The following CTNNA3 variants were observed in gnomAD, a reference collection of about 807,000 sequenced individuals.
CTNNA3 encodes catenin alpha 3, also known as catenin alpha-3.
In CTNNA3, 76 loss-of-function variants were observed where a neutral mutation model predicts 95.7. That is an observed-to-expected ratio of 0.79 (90% CI 0.66 to 0.96). The LOEUF (loss-of-function observed/expected upper bound fraction) is 0.96. Among genes scored for constraint, CTNNA3 ranks in the 40% least tolerant of loss-of-function variants. The pLI is 0.00. For missense variants in CTNNA3, 1,191 were observed against 1,089.8 expected (o/e 1.09, Z -1.31); for synonymous variants, 431 against 374.4 (o/e 1.15, Z -1.74).
intron 9 of CTNNA3, among the ~76,000 whole-genome samples, chr10:66,718,139 C>CTTT (rs5785781): frequency 1.0e-4 from 15 of 149,868 alleles, no homozygotes; most frequent in Non-Finnish European, 1.9e-4. Flanking sequence ...CTGTATTAAC[C>CTTT]TTTTTTTTTT....
chr10:67,495,297 T>C (rs1296174715), intron 5 of CTNNA3, among the ~76,000 whole-genome samples: 1 of 152,070 alleles, frequency 6.6e-6, no homozygotes, highest in Non-Finnish European at 1.5e-5. Context: ...CTACCCACAC[T>C]CTGGACCTAA....
intron 5 of CTNNA3, among the ~76,000 whole-genome samples, chr10:67,227,714 A>G (rs1212305589): frequency 6.6e-6 from 1 of 152,222 alleles, no homozygotes. Flanking sequence ...ATATATACAG[A>G]ACATTTCATC....
At chr10:67,372,831 T>G (rs1843531386) in intron 5 of CTNNA3, among the ~76,000 whole-genome samples, 1 of 152,166 alleles carries the variant, frequency 6.6e-6, no homozygotes, top group African/African-American at 2.4e-5. Flanking sequence ...TCAACATTCT[T>G]AAAGAAAAGA....
At chr10:67,710,377 G>A (rs565934329) in intron 1 of CTNNA3, among the ~76,000 whole-genome samples, 2 of 152,206 alleles carry the variant, frequency 1.3e-5, no homozygotes, top group Non-Finnish European at 1.5e-5. Context: ...GTGAAGGAAT[G>A]AGATTAATCC....
intron 12 of CTNNA3, among the ~76,000 whole-genome samples, chr10:66,361,172 C>T (rs1384462460): frequency 2.0e-5 from 3 of 150,160 alleles, no homozygotes; most frequent in Non-Finnish European, 4.4e-5. Context: ...TCTCACTATG[C>T]TGCCCAGGCT....
At chr10:66,629,667 C>G (rs1363010061) in intron 9 of CTNNA3, among the ~76,000 whole-genome samples, 6 of 152,112 alleles carry the variant, frequency 3.9e-5, no homozygotes, top group Non-Finnish European at 7.4e-5. Context: ...ACCCCCATCC[C>G]TACTACGTCT....
At chr10:66,096,599 C>T (rs1444433722) in intron 14 of CTNNA3, among the ~76,000 whole-genome samples, 1 of 150,034 alleles carries the variant, frequency 6.7e-6, no homozygotes, top group Non-Finnish European at 1.5e-5. Context: ...TCTCCGCTCA[C>T]TGCTACCTCC....
At chr10:66,194,662 A>G (rs770668408) in intron 13 of CTNNA3, among the ~76,000 whole-genome samples, 3 of 152,192 alleles carry the variant, frequency 2.0e-5, no homozygotes, top group Non-Finnish European at 4.4e-5. Flanking sequence ...AAACAGACAT[A>G]TGGAAAAGGA....
intron 5 of CTNNA3, among the ~76,000 whole-genome samples, chr10:67,389,554 C>T (rs1440169217): frequency 2.6e-5 from 4 of 151,518 alleles, no homozygotes; most frequent in Non-Finnish European, 5.9e-5. Flanking sequence ...CTGCACCAAG[C>T]GGACCTAATA....
chr10:66,159,626 G>GTTTTTTTTTTTTTTTTTTTGTT (rs34684370), intron 13 of CTNNA3, among the ~76,000 whole-genome samples: 1 of 114,936 alleles, frequency 8.7e-6, no homozygotes, highest in African/African-American at 3.3e-5. Context: ...TTTGTTTTCT[G>GTTTTTTTTTTTTTTTTTTTGTT]TTTTTTTTTT....
intron 17 of CTNNA3, among the ~76,000 whole-genome samples, chr10:65,940,811 A>G (rs1228304743): frequency 6.6e-6 from 1 of 152,216 alleles, no homozygotes. Flanking sequence ...AAAGAAAATG[A>G]TATTTCAGAT....
intron 10 of CTNNA3, among the ~76,000 whole-genome samples, chr10:66,522,250 A>G (rs140704586): frequency 1.3e-5 from 2 of 152,144 alleles, no homozygotes; most frequent in East Asian, 3.9e-4. Flanking sequence ...AGCATCAGTG[A>G]TTTCATCATT....
At chr10:66,464,826 T>G (rs1838838577) in intron 11 of CTNNA3, among the ~76,000 whole-genome samples, 1 of 151,868 alleles carries the variant, frequency 6.6e-6, no homozygotes, top group Non-Finnish European at 1.5e-5. Context: ...ATTAACAATT[T>G]GTCTCTTACA....
At chr10:66,264,582 AT>A (rs2091100064) in intron 13 of CTNNA3, among the ~76,000 whole-genome samples, 1 of 151,906 alleles carries the variant, frequency 6.6e-6, no homozygotes, top group Non-Finnish European at 1.5e-5. Context: ...ATTTTATATC[AT>A]TTTTCCTTGA....
At chr10:66,302,991 T>G (rs2091884544) in intron 12 of CTNNA3, among the ~76,000 whole-genome samples, 1 of 152,150 alleles carries the variant, frequency 6.6e-6, no homozygotes, top group Non-Finnish European at 1.5e-5. Context: ...TCTCAACAGA[T>G]AGAAATCAAG....
chr10:66,746,249 T>C (rs952303286), intron 9 of CTNNA3, among the ~76,000 whole-genome samples: 2 of 152,078 alleles, frequency 1.3e-5, no homozygotes, highest in African/African-American at 4.8e-5. Flanking sequence ...GTAAAAATTA[T>C]TAGTGAAGAC....
intron 12 of CTNNA3, among the ~76,000 whole-genome samples, chr10:66,291,984 T>C (rs1039268026): frequency 2.0e-5 from 3 of 151,500 alleles, no homozygotes; most frequent in East Asian, 1.9e-4. Context: ...TACCTCAATA[T>C]ATCATTTGAT....
chr10:66,642,305 C>A (rs866470167), intron 9 of CTNNA3, among the ~76,000 whole-genome samples: 3 of 148,442 alleles, frequency 2.0e-5, no homozygotes, highest in Non-Finnish European at 3.0e-5. Flanking sequence ...CACACACACA[C>A]AAAACCTGAT....
At position 66,551,128 on chromosome 10, in the gene CTNNA3, C is replaced by T. The variant is rs117612384; in HGVS notation, c.1375-30355G>A. On this transcript the variant is annotated intron_variant, in intron 10 of 17. Transcript: ENST00000433211. ...TCCAGATATCACTTTGGCATCATTC[C>T]CTTTCCTTTAGCCTTTTGTTAGCCA... is the stretch of plus-strand genomic sequence containing the variant. Among the ~76,000 whole-genome samples the T allele has an allele frequency of 1.7e-3, 257 of 152,214 alleles. 1 individual carries two copies. Among genetic ancestry groups the T allele is most frequent in the Non-Finnish European group, 3.2e-3 (216 of 67,988 alleles).
Sources: gnomAD v4.1 joint callset for allele counts (sites outside exome capture counted in the v4.1 genomes callset) on GRCh38, gnomAD v4.1.1 for gene constraint, MANE v1.5 for transcripts, NCBI Gene and HGNC (gene_info 2026-07-23, HGNC 2026-07-21) for gene names.